The following ODR4 variants were observed in gnomAD, a reference collection of about 807,000 sequenced individuals.
ODR4 encodes the protein odr-4 GPCR localization factor homolog, also known as protein odr-4 homolog.
ODR4 carries 47 observed loss-of-function variants against 60.2 expected under a neutral mutation model. The observed-to-expected ratio is 0.78, with a 90% confidence interval of 0.62 to 1.00. ODR4 has a LOEUF of 1.00. Ranked by LOEUF, ODR4 falls within the 50% of genes least tolerant of loss-of-function variation. The pLI, the probability that ODR4 is intolerant of heterozygous loss-of-function variation, is 0.00. For missense variants in ODR4, 488 were observed against 530.8 expected, an observed-to-expected ratio of 0.92 and a Z score of 0.79; for synonymous variants, 178 against 175.5, an observed-to-expected ratio of 1.01 and a Z score of -0.11.
rs530574464 is a variant in ODR4, at chr1:186,418,693, T to C, written c.1298-316T>C. Among the ~76,000 whole-genome samples the C allele has an allele frequency of 1.4e-4, 21 of 152,336 alleles. No homozygotes were observed. The South Asian group carries it at 3.7e-3, about 27-fold the overall frequency. On this transcript the variant is annotated intron_variant, in intron 13 of 13. Coordinates refer to ENST00000287859, the MANE Select transcript of ODR4 (RefSeq NM_017847.6). ...TTTAACCTACGTAGCATAAGACAGC[T>C]GGTATGCCAATATAAATATTTATAT...
At chr1:186,398,920 T>G in intron 10 of ODR4, 34 bp from the exon 11 acceptor site, 2 of 1,452,340 alleles carry the variant, frequency 1.4e-6, no homozygotes, top group Non-Finnish European at 1.9e-6. Flanking sequence ...GTATTTTATT[T>G]CTTACTGTGT....
At chr1:186,428,306 C>A in the ODR4 span, among the ~76,000 whole-genome samples, 14 of 152,310 alleles carry the variant, frequency 9.2e-5, no homozygotes, top group East Asian at 2.7e-3. Context: ...GCTGTTTCAC[C>A]TTGTACTTTT....
chr1:186,413,734 T>G (rs1264500020), intron 12 of ODR4, among the ~76,000 whole-genome samples: 1 of 152,168 alleles, frequency 6.6e-6, no homozygotes, highest in Non-Finnish European at 1.5e-5. Context: ...TATGGCTACA[T>G]CGCTGACTAT....
chr1:186,409,498 CAAAG>C (rs1661293712), intron 12 of ODR4, among the ~76,000 whole-genome samples: 1 of 152,156 alleles, frequency 6.6e-6, no homozygotes, highest in African/African-American at 2.4e-5. Flanking sequence ...GATTAGAGTC[CAAAG>C]AACAACAAAA....
intron 11 of ODR4, chr1:186,400,987 C>T: frequency 6.6e-7 from 1 of 1,511,068 alleles, no homozygotes; most frequent in Non-Finnish European, 9.0e-7. Context: ...ATCATTGCTT[C>T]AGGTTCTGAG....
chr1:186,392,610 A>G (rs1660510606), intron 8 of ODR4, among the ~76,000 whole-genome samples: 1 of 152,074 alleles, frequency 6.6e-6, no homozygotes, highest in Admixed American at 6.5e-5. Flanking sequence ...TGAGGTCAGG[A>G]GTTTGAGACC....
At chr1:186,388,103 A>C (rs1200644219) in intron 4 of ODR4, among the ~76,000 whole-genome samples, 1 of 152,186 alleles carries the variant, frequency 6.6e-6, no homozygotes, top group Non-Finnish European at 1.5e-5. Context: ...AATGATAGTG[A>C]ATTAAATTTT....
At chr1:186,383,576 T>G (rs1660123335) in intron 3 of ODR4, among the ~76,000 whole-genome samples, 1 of 151,994 alleles carries the variant, frequency 6.6e-6, no homozygotes, top group Non-Finnish European at 1.5e-5. Flanking sequence ...TTGTTTGTTT[T>G]AAGAAAAAGA....
At chr1:186,402,218 CTTT>C (rs1660999209) in intron 11 of ODR4, among the ~76,000 whole-genome samples, 2 of 149,202 alleles carry the variant, frequency 1.3e-5, no homozygotes, top group East Asian at 3.9e-4. Flanking sequence ...TTCTTTCTTT[CTTT>C]CTTTCTTTCT....
At chr1:186,401,146 T>C in intron 11 of ODR4, 1 of 1,596,220 alleles carries the variant, frequency 6.3e-7, no homozygotes, top group Non-Finnish European at 8.6e-7. Context: ...ATTATATGGC[T>C]ATCCTGGTAT....
chr1:186,418,601 C>CAAGT (rs1311323810), intron 13 of ODR4, among the ~76,000 whole-genome samples: 1 of 152,194 alleles, frequency 6.6e-6, no homozygotes, highest in African/African-American at 2.4e-5. Flanking sequence ...AGTAGCTACA[C>CAAGT]AAGTTACACA....
intron 12 of ODR4, among the ~76,000 whole-genome samples, chr1:186,415,876 A>C (rs2102093623): frequency 6.6e-6 from 1 of 152,360 alleles, no homozygotes; most frequent in South Asian, 2.1e-4. Context: ...GTGATGGTCG[A>C]AATGCACTTT....
Position 186,388,435 on chromosome 1 carries a change from C to A in ODR4, c.331-7C>A. The A allele has an allele frequency of 6.8e-7, 1 of 1,479,050 alleles. No individual in the cohort carries two copies. The highest frequency in any genetic ancestry group is 9.1e-7 in the Non-Finnish European group (1 of 1,102,094). The allele number at this position is 1,479,050 out of a possible 1,614,324, so 91.6% of individuals were successfully genotyped here. A position where few individuals can be genotyped will look rare whatever the true frequency, so the allele number is the denominator to read the frequency against. ...ATTCAATTAGTGTGTATTTTTCTCT[C>A]TTTCAGCTAATGTTTGCTGTGGAAA... On this transcript the variant is annotated splice_region_variant and splice_polypyrimidine_tract_variant and intron_variant, in intron 4 of 13. Coordinates refer to ENST00000287859, the MANE Select transcript of ODR4 (RefSeq NM_017847.6).
chr1:186,410,330 A>G (rs1408646868), intron 12 of ODR4, among the ~76,000 whole-genome samples: 2 of 152,242 alleles, frequency 1.3e-5, no homozygotes, highest in African/African-American at 4.8e-5. Flanking sequence ...AGTTTTGAAC[A>G]TTTAAGACAT....
intron 2 of ODR4, among the ~76,000 whole-genome samples, chr1:186,381,814 T>A (rs1247345761): frequency 6.6e-6 from 1 of 152,170 alleles, no homozygotes; most frequent in East Asian, 1.9e-4. Context: ...ATACATTTTA[T>A]GAAGAAAAGA....
chr1:186,404,265 C>G (rs1395929472), intron 11 of ODR4, among the ~76,000 whole-genome samples: 2 of 152,150 alleles, frequency 1.3e-5, no homozygotes, highest in Non-Finnish European at 2.9e-5. Flanking sequence ...GATTTCTCCT[C>G]CCATTTAAAC....
At chr1:186,425,390 G>A (rs1490919156), downstream of ODR4, among the ~76,000 whole-genome samples, 1 of 152,132 alleles carries the variant, frequency 6.6e-6, no homozygotes, top group Non-Finnish European at 1.5e-5. Flanking sequence ...AACTCCAATT[G>A]GGCACGTCTA....
intron 9 of ODR4, among the ~76,000 whole-genome samples, chr1:186,395,125 C>T (rs974646706): frequency 1.3e-5 from 2 of 152,034 alleles, no homozygotes; most frequent in Non-Finnish European, 2.9e-5. Context: ...GACGGAGTCT[C>T]GCTCTGTCTC....
downstream of ODR4, among the ~76,000 whole-genome samples, chr1:186,424,226 C>G (rs923438631): frequency 1.3e-5 from 2 of 152,146 alleles, no homozygotes; most frequent in Non-Finnish European, 2.9e-5. Flanking sequence ...GACCTACATA[C>G]AACAACCCAG....
Sources: gnomAD v4.1 joint callset for allele counts (sites outside exome capture counted in the v4.1 genomes callset) on GRCh38, gnomAD v4.1.1 for gene constraint, MANE v1.5 for transcripts, NCBI Gene and HGNC (gene_info 2026-07-23, HGNC 2026-07-21) for gene names.